CRACR2A: variants seen among roughly 807,000 people sequenced by gnomAD.
CRACR2A encodes calcium release activated channel regulator 2A.
CRACR2A carries 79 observed loss-of-function variants against 90.5 expected under a neutral mutation model. The ratio of observed to expected loss-of-function variants is 0.87; its 90% CI spans 0.73 to 1.05. CRACR2A has a LOEUF of 1.05. Ranked by LOEUF, CRACR2A falls within the 50% of genes least tolerant of loss-of-function variation. The probability of loss-of-function intolerance (pLI) is 0.00; values close to 1 mark genes in which losing one functional copy is unlikely to be tolerated. For missense variants in CRACR2A, 823 were observed against 897.2 expected, an observed-to-expected ratio of 0.92 and a Z score of 1.06; for synonymous variants, 338 against 356.7, an observed-to-expected ratio of 0.95 and a Z score of 0.59.
chr12:3,630,603 C>T lies in CRACR2A; in HGVS notation c.1736-2897G>A, dbSNP rs61907195. Among the ~76,000 whole-genome samples, 1,043 of 152,284 alleles carry T rather than the reference C, an allele frequency of 6.8e-3. 5 individuals are homozygous for T. Among genetic ancestry groups the T allele is most frequent in the Non-Finnish European group, 0.011 (715 of 68,006 alleles). On this transcript the variant is annotated intron_variant, in intron 15 of 19. Coordinates refer to ENST00000440314, the MANE Select transcript of CRACR2A (RefSeq NM_001144958.2). ...GGAGAAGTGGGAAGAATGCTGGACT[C>T]GGAGTCCTGGGTTCCAGGGAGATCC...
intron 15 of CRACR2A, 40 bp from the exon 16 acceptor site, chr12:3,627,746 A>T: frequency 6.5e-7 from 1 of 1,531,352 alleles, no homozygotes; most frequent in Non-Finnish European, 8.9e-7. Context: ...GCCCTGGGCC[A>T]GGGGCACCTC....
At chr12:3,747,807 C>T (rs771980585) in intron 1 of CRACR2A, among the ~76,000 whole-genome samples, 8 of 152,208 alleles carry the variant, frequency 5.3e-5, no homozygotes, top group East Asian at 1.9e-4. Flanking sequence ...ACCTGTAGCA[C>T]GTGTGCTACG....
At chr12:3,647,862 C>T (rs1483354873) in intron 11 of CRACR2A, 1 of 985,448 alleles carries the variant, frequency 1.0e-6, no homozygotes, top group Non-Finnish European at 1.2e-6. Flanking sequence ...GACTTAGAAA[C>T]TTCATGGGCA....
chr12:3,712,739 C>G (rs1040152211), intron 3 of CRACR2A, among the ~76,000 whole-genome samples: 2 of 152,168 alleles, frequency 1.3e-5, no homozygotes, highest in Non-Finnish European at 2.9e-5. Flanking sequence ...TGAAATGAGA[C>G]AGCAGATGTG....
At position 3,638,360 on chromosome 12, in the gene CRACR2A, C is replaced by T. The variant is rs758132303; in HGVS notation, c.1366G>A (p.Gly456Arg). The T allele has an allele frequency of 1.5e-5, 23 of 1,551,486 alleles. No individual in the cohort carries two copies. Among genetic ancestry groups the T allele is most frequent in the East Asian group, 2.4e-5 (1 of 40,916 alleles). Residue 456 changes from glycine to arginine, a missense_variant, in exon 14 of 20, where the codon GGG (glycine) becomes AGG (arginine). Coordinates refer to ENST00000440314, the MANE Select transcript of CRACR2A (RefSeq NM_001144958.2). ...TACGGACCCCCAGGCCCTGGCTCCC[C>T]GGTTCCTGGCTCCTCTTCTGTTAGG... ...YPLTEEEPGT[G>R]EPGPGGPYPR...
chr12:3,671,444 G>A (rs1339517168), intron 7 of CRACR2A, among the ~76,000 whole-genome samples: 1 of 152,162 alleles, frequency 6.6e-6, no homozygotes, highest in East Asian at 1.9e-4. Flanking sequence ...CTAGCTGGTT[G>A]CAAAGCCACA....
chr12:3,719,853 C>T (rs894260793), intron 2 of CRACR2A, among the ~76,000 whole-genome samples: 2 of 152,124 alleles, frequency 1.3e-5, no homozygotes, highest in East Asian at 3.9e-4. Flanking sequence ...TACAGTGGCT[C>T]ACGCCTATAA....
intron 2 of CRACR2A, among the ~76,000 whole-genome samples, chr12:3,713,734 A>G (rs930797822): frequency 4.2e-4 from 64 of 152,326 alleles, no homozygotes; most frequent in Admixed American, 4.0e-3. Flanking sequence ...CGATGTAAGC[A>G]TTGTGGCAAG....
intron 1 of CRACR2A, among the ~76,000 whole-genome samples, chr12:3,745,818 A>AAT (rs1946611363): frequency 3.4e-4 from 2 of 5,826 alleles, no homozygotes; most frequent in Non-Finnish European, 7.6e-4. Context: ...AATAAAATAA[A>AAT]ATAAAATAAA....
intron 3 of CRACR2A, among the ~76,000 whole-genome samples, chr12:3,710,748 G>C (rs1052134256): frequency 2.7e-5 from 4 of 150,870 alleles, no homozygotes; most frequent in Non-Finnish European, 5.9e-5. Flanking sequence ...AGCCAAGATT[G>C]TGCCACTGCA....
In CRACR2A at chr12:3,728,773, T is replaced by G. The variant is rs1321969591; in HGVS notation, c.-118+4169A>C. ...GAGCAGCAAAGGGAGGGAGGGTTCC[T>G]TTGGCCCACCTTTCAACCCCGAGTG... On this transcript the variant is annotated intron_variant, in intron 2 of 19. Coordinates refer to ENST00000440314, the MANE Select transcript of CRACR2A (RefSeq NM_001144958.2). The G allele has an allele frequency of 2.0e-5, 3 of 152,290 alleles. No individual in the cohort carries two copies. In the East Asian group the frequency reaches 5.8e-4, roughly 29 times the overall value. The allele number at this position is 152,290 out of a possible 1,614,324, so 9.4% of individuals were successfully genotyped here. A position where few individuals can be genotyped will look rare whatever the true frequency, so the allele number is the denominator to read the frequency against.
intron 2 of CRACR2A, among the ~76,000 whole-genome samples, chr12:3,717,954 ACT>A (rs1272499921): frequency 6.6e-6 from 1 of 152,048 alleles, no homozygotes; most frequent in Non-Finnish European, 1.5e-5. Context: ...GATGGATCTC[ACT>A]CTGTCTTAAG....
intron 4 of CRACR2A, among the ~76,000 whole-genome samples, chr12:3,693,090 C>T (rs138017993): frequency 1.8e-3 from 281 of 152,286 alleles, no homozygotes; most frequent in Middle Eastern, 6.8e-3. Context: ...TGCATGCACA[C>T]GTGCGTGCTG....
chr12:3,751,199 G>C (rs1184124444), intron 1 of CRACR2A, among the ~76,000 whole-genome samples: 1 of 152,170 alleles, frequency 6.6e-6, no homozygotes, highest in Non-Finnish European at 1.5e-5. Context: ...GTTGTCAGGA[G>C]GATTAAATGA....
intron 11 of CRACR2A, chr12:3,648,173 C>T: frequency 9.2e-7 from 1 of 1,092,832 alleles, no homozygotes; most frequent in Non-Finnish European, 1.1e-6. Context: ...AACTGCCCTA[C>T]TCACCTAACA....
At chr12:3,689,684 T>C (rs1348801455) in intron 4 of CRACR2A, among the ~76,000 whole-genome samples, 1 of 152,168 alleles carries the variant, frequency 6.6e-6, no homozygotes, top group African/African-American at 2.4e-5. Context: ...CAGGTTTTGA[T>C]ATCAGGATGA....
chr12:3,616,874 G>T (rs1867694292), intron 19 of CRACR2A, 80 bp downstream of exon 19: 12 of 1,139,078 alleles, frequency 1.1e-5, no homozygotes, highest in African/African-American at 1.5e-5. Flanking sequence ...TGGCCTGGGT[G>T]GAGGGAAACA....
In CRACR2A at chr12:3,633,503, C is replaced by T; in HGVS notation, c.1735+101G>A. On this transcript the variant is annotated intron_variant, in intron 15 of 19. Transcript: ENST00000440314. This position sits in a 1 kb window ranked among gnomAD's most constrained non-coding sequence, Gnocchi z 4.5. ...TATCCCTACTGGCCAATCCCCATGG[C>T]CCTTCCCATGGGCTTCTAACGCTCC... 6.8e-7 allele frequency: 1 copy of T among 1,464,440 alleles called. No homozygotes were observed. Among genetic ancestry groups the T allele is most frequent in the South Asian group, 1.3e-5 (1 of 76,782 alleles). 90.7% of individuals were successfully genotyped at this position (1,464,440 alleles called of 1,614,324 possible). A position where few individuals can be genotyped will look rare whatever the true frequency, so the allele number is the denominator to read the frequency against.
intron 7 of CRACR2A, among the ~76,000 whole-genome samples, chr12:3,666,496 A>G (rs2137540608): frequency 6.6e-6 from 1 of 152,312 alleles, no homozygotes; most frequent in African/African-American, 2.4e-5. Context: ...TCTAATGTAA[A>G]TACAAAGCGT....
Sources: gnomAD v4.1 joint callset for allele counts (sites outside exome capture counted in the v4.1 genomes callset) on GRCh38, gnomAD v4.1.1 for gene constraint, Gnocchi (gnomAD v3.1) non-coding constraint, MANE v1.5 for transcripts, NCBI Gene and HGNC (gene_info 2026-07-23, HGNC 2026-07-21) for gene names.